Variants in RALGAPA1 observed in about 807,000 individuals in gnomAD.
RALGAPA1 encodes the protein Ral GTPase activating protein catalytic subunit alpha 1, also known as ral GTPase-activating protein subunit alpha-1.
Under a neutral mutation model 269.6 loss-of-function variants are expected in RALGAPA1, and 52 were observed. The ratio of observed to expected loss-of-function variants is 0.19; its 90% CI spans 0.15 to 0.24. RALGAPA1 has a LOEUF of 0.24. Among genes scored for constraint, RALGAPA1 ranks in the 10% least tolerant of loss-of-function variants. RALGAPA1 has a pLI of 1.00. For synonymous variants in RALGAPA1, 817 were observed against 1,008.3 expected, an observed-to-expected ratio of 0.81 and a Z score of 3.60; for missense variants, 1,917 against 3,013.9, an observed-to-expected ratio of 0.64 and a Z score of 8.52.
intron 39 of RALGAPA1, among the ~76,000 whole-genome samples, chr14:35,557,400 A>T (rs979378111): frequency 5.3e-5 from 8 of 152,050 alleles, no homozygotes; most frequent in African/African-American, 1.7e-4. Context: ...GATTTTATTT[A>T]AGTGCTATAA....
At position 35,792,936 on chromosome 14, in the gene RALGAPA1, A is replaced by C. The variant is rs2076298941; in HGVS notation, c.106+15794T>G. Among the ~76,000 whole-genome samples the C allele has an allele frequency of 2.0e-5, 3 of 151,740 alleles. No individual in the cohort carries two copies. The South Asian group carries it at 6.2e-4, about 31-fold the overall frequency. On this transcript the variant is annotated intron_variant, in intron 1 of 41. Transcript: ENST00000680220. ...GAGATCAACTAGTAAGCTGCTGCAA[A>C]AGTTCAAGCAAGAAACAATAAAAAT...
At chr14:35,629,627 C>CCAAACAG (rs2061218006) in intron 33 of RALGAPA1, among the ~76,000 whole-genome samples, 1 of 152,124 alleles carries the variant, frequency 6.6e-6, no homozygotes, top group Non-Finnish European at 1.5e-5. Flanking sequence ...CCTCAGCCTC[C>CCAAACAG]CAAACAGCTG....
intron 35 of RALGAPA1, among the ~76,000 whole-genome samples, chr14:35,624,339 T>G (rs2030424747): frequency 6.6e-6 from 1 of 151,948 alleles, no homozygotes; most frequent in Non-Finnish European, 1.5e-5. Flanking sequence ...CAAAACCAGT[T>G]AGAAATTACA....
rs183104970 is a variant in RALGAPA1 at position 35,590,371 on chromosome 14, T to C, written c.7209+5263A>G. On this transcript the variant is annotated intron_variant, in intron 37 of 41. Coordinates refer to ENST00000680220, the MANE Select transcript of RALGAPA1 (RefSeq NM_001346249.2). ...CAAAAGGCATAAAAGGTAGTTGATA[T>C]AGTTTGCCTTTGTGTCCCCAACCAA... Among the ~76,000 whole-genome samples the C allele has an allele frequency of 6.6e-5, 10 of 152,370 alleles. No individual in the cohort carries two copies. In the South Asian group the frequency reaches 1.2e-3, roughly 19 times the overall value.
At chr14:35,734,943 G>GA (rs1347917755) in intron 12 of RALGAPA1, among the ~76,000 whole-genome samples, 1 of 150,644 alleles carries the variant, frequency 6.6e-6, no homozygotes, top group Non-Finnish European at 1.5e-5. Context: ...CAACAAACAT[G>GA]AAAAAATGCT....
intron 13 of RALGAPA1, among the ~76,000 whole-genome samples, chr14:35,727,774 G>A (rs1026152384): frequency 2.0e-5 from 3 of 152,102 alleles, no homozygotes; most frequent in African/African-American, 7.2e-5. Flanking sequence ...AAAAATTTAA[G>A]TAAGGATATG....
intron 39 of RALGAPA1, among the ~76,000 whole-genome samples, chr14:35,557,494 T>C (rs147618081): frequency 1.3e-5 from 2 of 152,278 alleles, no homozygotes; most frequent in Admixed American, 6.5e-5. Context: ...GACAGTGTCA[T>C]AGAATCTATG....
chr14:35,722,990 C>T (rs2069564661), intron 15 of RALGAPA1, 37 bp downstream of exon 15: 1 of 1,324,666 alleles, frequency 7.5e-7, no homozygotes, highest in South Asian at 1.4e-5. Flanking sequence ...ATTATTTAAA[C>T]AAATTTATAT....
chr14:35,702,740 T>C (rs35542352), intron 16 of RALGAPA1, among the ~76,000 whole-genome samples: 12,155 of 146,176 alleles, frequency 0.083, 797 homozygotes, highest in East Asian at 0.34. Flanking sequence ...TATATATATA[T>C]ACATTTTTTT....
chr14:35,630,036 G>T (rs577546817), intron 33 of RALGAPA1, among the ~76,000 whole-genome samples: 59 of 152,244 alleles, frequency 3.9e-4, no homozygotes, highest in Non-Finnish European at 5.6e-4. Flanking sequence ...AGAGGCAAGA[G>T]AAAAGAATAG....
At chr14:35,652,568 C>A (rs1445254365) in intron 30 of RALGAPA1, among the ~76,000 whole-genome samples, 1 of 152,012 alleles carries the variant, frequency 6.6e-6, no homozygotes, top group Non-Finnish European at 1.5e-5. Flanking sequence ...CCACGCCCAG[C>A]TAATTTTTGT....
chr14:35,599,427 T>C (rs2059137102), intron 36 of RALGAPA1, among the ~76,000 whole-genome samples: 1 of 152,162 alleles, frequency 6.6e-6, no homozygotes, highest in Admixed American at 6.5e-5. Context: ...TCTTCATTCC[T>C]GAAGGATATG....
intron 37 of RALGAPA1, among the ~76,000 whole-genome samples, chr14:35,584,912 G>A (rs2058182075): frequency 6.6e-6 from 1 of 152,102 alleles, no homozygotes; most frequent in African/African-American, 2.4e-5. Flanking sequence ...GAGATTGTCA[G>A]AGTGGAGCTA....
intron 3 of RALGAPA1, among the ~76,000 whole-genome samples, chr14:35,774,529 C>T (rs2074874884): frequency 1.3e-5 from 2 of 151,576 alleles, no homozygotes; most frequent in Non-Finnish European, 2.9e-5. Context: ...TAAAGACTTG[C>T]CCCATTTCCA....
chr14:35,780,387 T>C (rs963276054), intron 1 of RALGAPA1, among the ~76,000 whole-genome samples: 1 of 152,166 alleles, frequency 6.6e-6, no homozygotes, highest in African/African-American at 2.4e-5. Flanking sequence ...AACAGACATC[T>C]ATCGAATGCC....
In RALGAPA1 at chr14:35,738,669, T is replaced by C. The variant is rs2071266697; in HGVS notation, c.1450-19A>G. 2 of 1,591,910 alleles carry C rather than the reference T, an allele frequency of 1.3e-6. No individual in the cohort carries two copies. The highest frequency in any genetic ancestry group is 1.7e-6 in the Non-Finnish European group (2 of 1,169,586). On this transcript the variant is annotated intron_variant, in intron 11 of 41. Coordinates refer to ENST00000680220, the MANE Select transcript of RALGAPA1 (RefSeq NM_001346249.2). ...CATTTTCCTGAAGCAAAATATCAAGTTTTTAATATTTCATTACTAAGAATG... is the reference window on the plus strand; with the variant it reads ...CATTTTCCTGAAGCAAAATATCAAGCTTTTAATATTTCATTACTAAGAATG...
At chr14:35,747,662 G>A (rs2072245583) in intron 10 of RALGAPA1, among the ~76,000 whole-genome samples, 1 of 152,126 alleles carries the variant, frequency 6.6e-6, no homozygotes, top group Non-Finnish European at 1.5e-5. Context: ...TGGGAACCAG[G>A]ATGTGGGCAT....
At chr14:35,779,467 G>T (rs2075287613) in intron 1 of RALGAPA1, among the ~76,000 whole-genome samples, 1 of 151,942 alleles carries the variant, frequency 6.6e-6, no homozygotes, top group African/African-American at 2.4e-5. Flanking sequence ...AAGTTAAGTT[G>T]CAGTGTGCTA....
At chr14:35,562,106 A>G (rs2139312586) in intron 39 of RALGAPA1, among the ~76,000 whole-genome samples, 1 of 152,326 alleles carries the variant, frequency 6.6e-6, no homozygotes, top group East Asian at 1.9e-4. Context: ...ACAACTAATC[A>G]ATTTGTCCAT....
Sources: gnomAD v4.1 joint callset for allele counts (sites outside exome capture counted in the v4.1 genomes callset) on GRCh38, gnomAD v4.1.1 for gene constraint, MANE v1.5 for transcripts, NCBI Gene and HGNC (gene_info 2026-07-23, HGNC 2026-07-21) for gene names.